Variants in KLHL9 observed in about 807,000 individuals in gnomAD.
KLHL9 encodes the protein kelch-like protein 9.
Under a neutral mutation model 42.3 loss-of-function variants are expected in KLHL9, and 27 were observed. The observed-to-expected ratio is 0.64, with a 90% CI of 0.47 to 0.88. The LOEUF (loss-of-function observed/expected upper bound fraction) is 0.88, where lower values mean the gene tolerates loss of function less well. Among genes scored for constraint, KLHL9 ranks in the 40% least tolerant of loss-of-function variants. KLHL9 has a pLI of 0.00. For synonymous variants in KLHL9, 274 were observed against 254.4 expected, an observed-to-expected ratio of 1.08 and a Z score of -0.73; for missense variants, 629 against 750.3, an observed-to-expected ratio of 0.84 and a Z score of 1.89.
rs1277874356 is a variant in KLHL9, at chr9:21,330,141, T to C, written c.*2865A>G. 1 of 152,148 alleles carries C rather than the reference T, an allele frequency of 6.6e-6. No individual in the cohort carries two copies. Among genetic ancestry groups the C allele is most frequent in the African/African-American group, 2.4e-5 (1 of 41,428 alleles). 9.4% of individuals were successfully genotyped at this position (152,148 alleles called of 1,614,324 possible). ...CTGAAATGCTTGGGACCAGAAGTGT[T>C]TTGGATTTTGGAATATTTGCATGTA... is the stretch of plus-strand genomic sequence containing the variant. On this transcript the variant is annotated 3_prime_UTR_variant, in exon 1 of 1. Transcript: ENST00000359039.
In KLHL9 at chr9:21,334,485, T is replaced by A. The variant is rs781290723; in HGVS notation, c.375A>T (p.Thr125=). The change falls in exon 1 of 1, where the codon ACA becomes ACT. Residue 125 remains threonine, a synonymous_variant. Transcript: ENST00000359039. This position sits in a 1 kb window ranked among gnomAD's most constrained non-coding sequence, Gnocchi z 5.1. ...TTTGTAAAAAGCTAGCAGCTTCAAGTGTGTCCTGAAGATTGTCCATATTAA... is the reference window on the plus strand; with the variant it reads ...TTTGTAAAAAGCTAGCAGCTTCAAGAGTGTCCTGAAGATTGTCCATATTAA... ...LSLNMDNLQD[T]LEAASFLQIL... 7 of 1,613,920 alleles carry A rather than the reference T, an allele frequency of 4.3e-6. No homozygotes were observed. In the East Asian group the frequency reaches 1.6e-4, roughly 36 times the overall value.
rs551334378 is a variant in KLHL9 at position 21,332,315 on chromosome 9, T to G, written c.*691A>C. 2 of 152,752 alleles carry G rather than the reference T, an allele frequency of 1.3e-5. No individual in the cohort carries two copies. The highest frequency in any genetic ancestry group is 4.8e-5 in the African/African-American group (2 of 41,580). 9.5% of individuals were successfully genotyped at this position (152,752 alleles called of 1,614,324 possible). A position where few individuals can be genotyped will look rare whatever the true frequency, so the allele number is the denominator to read the frequency against. ...CGGCTGCTTTGTGGAAGAAAGAAAC[T>G]TCAATTTAAAAACAATTTCAGCATC... On this transcript the variant is annotated 3_prime_UTR_variant, in exon 1 of 1. Transcript: ENST00000359039.
chr9:21,333,405 C>T lies in KLHL9; in HGVS notation c.1455G>A (p.Leu485=), dbSNP rs777277134. ...QKAPMTTVRG[L]HCMCTVGDKL... ...TATCTCCAACTGTACACATGCAATG[C>T]AGACCTCTGACTGTAGTCATTGGAG... Residue 485 remains leucine (L), a synonymous_variant, in exon 1 of 1, where the codon CTG becomes CTA. Transcript: ENST00000359039. This position sits in a 1 kb window ranked among gnomAD's most constrained non-coding sequence, Gnocchi z 7.5. 3.1e-6 allele frequency: 5 copies of T among 1,614,096 alleles called. No homozygotes were observed. The highest frequency in any genetic ancestry group is 3.3e-5 in the Admixed American group (2 of 60,004).
rs1415613488 is a variant in KLHL9, at chr9:21,335,368, A to C, written c.-509T>G. On this transcript the variant is annotated 5_prime_UTR_variant, in exon 1 of 1. Coordinates refer to ENST00000359039, the MANE Select transcript of KLHL9 (RefSeq NM_018847.4). ...GAATACCGGCCTAGCCCCAACACCGAGCCGCTCCTTCCGGAAAAGCCTAGT... is the reference window on the plus strand; with the variant it reads ...GAATACCGGCCTAGCCCCAACACCGCGCCGCTCCTTCCGGAAAAGCCTAGT... 7.3e-6 allele frequency: 3 copies of C among 411,778 alleles called. No homozygotes were observed. The highest frequency in any genetic ancestry group is 8.8e-5 in the Admixed American group (2 of 22,844). 25.5% of individuals were successfully genotyped at this position (411,778 alleles called of 1,614,324 possible). A position where few individuals can be genotyped will look rare whatever the true frequency, so the allele number is the denominator to read the frequency against.
Position 21,332,705 on chromosome 9 carries a change from C to A in KLHL9, c.*301G>T. ...TTTGGAGTCAAAGATGAAAACTCAA[C>A]TTTGAAGCATAATGGACATAATTAC... On this transcript the variant is annotated 3_prime_UTR_variant, in exon 1 of 1. Coordinates refer to ENST00000359039, the MANE Select transcript of KLHL9 (RefSeq NM_018847.4). 1 of 294,450 alleles carries A rather than the reference C, an allele frequency of 3.4e-6. No individual in the cohort carries two copies. The allele number at this position is 294,450 out of a possible 1,614,324, so 18.2% of individuals were successfully genotyped here.
rs1474383461 is a variant in KLHL9 at position 21,334,969 on chromosome 9, C to T, written c.-110G>A. ...AAGAACAGAAAGCTCGTTTCCTTAT[C>T]AAGGGAAGGCAGTCACTGCGGCACC... On this transcript the variant is annotated 5_prime_UTR_variant, in exon 1 of 1. It removes the in-frame stop codon of an upstream open reading frame in the 5' UTR. Coordinates refer to ENST00000359039, the MANE Select transcript of KLHL9 (RefSeq NM_018847.4). This position sits in a 1 kb window ranked among gnomAD's most constrained non-coding sequence, Gnocchi z 5.1. 3 of 1,494,774 alleles carry T rather than the reference C, an allele frequency of 2.0e-6. No individual in the cohort carries two copies. Among genetic ancestry groups the T allele is most frequent in the Non-Finnish European group, 2.7e-6 (3 of 1,114,558 alleles). The allele number at this position is 1,494,774 out of a possible 1,614,324, so 92.6% of individuals were successfully genotyped here.
At position 21,334,307 on chromosome 9, in the gene KLHL9, A is replaced by C. The variant is rs745356557; in HGVS notation, c.553T>G (p.Leu185Val). ...AGTTTTAGAAACTCCCCAGTACTCA[A>C]TAAAGCAGGAAAGTTCTTCAGGATG... is the stretch of plus-strand genomic sequence containing the variant. ...NFILKNFPAL[L>V]STGEFLKLPF... Residue 185 changes from leucine to valine, a missense_variant, in exon 1 of 1, where the codon TTG becomes GTG. Leu to Val is a conservative substitution (Grantham distance 32, BLOSUM62 1). Transcript: ENST00000359039. The surrounding 1 kb of genome is among the most constrained non-coding windows in gnomAD (Gnocchi z 5.1). The C allele has an allele frequency of 1.9e-6, 3 of 1,614,128 alleles. No individual in the cohort carries two copies. The highest frequency in any genetic ancestry group is 2.7e-5 in the African/African-American group (2 of 75,060).
Position 21,335,039 on chromosome 9 carries a change from G to C in KLHL9, c.-180C>G, listed in dbSNP as rs1415242741. ...GTCATCCACTGAAAATCACCCTGTA[G>C]CAGGACCACAAAGGGCTGTGGACCT... On this transcript the variant is annotated 5_prime_UTR_variant, in exon 1 of 1. Transcript: ENST00000359039. 1 of 766,660 alleles carries C rather than the reference G, an allele frequency of 1.3e-6. No homozygotes were observed. Among genetic ancestry groups the C allele is most frequent in the African/African-American group, 1.8e-5 (1 of 56,992 alleles). 47.5% of individuals were successfully genotyped at this position (766,660 alleles called of 1,614,324 possible).
In KLHL9 at chr9:21,332,326, AAC is replaced by A. The variant is rs1820186067; in HGVS notation, c.*678_*679del. 1 of 152,642 alleles carries A rather than the reference AAC, an allele frequency of 6.6e-6. No individual in the cohort carries two copies. The highest frequency in any genetic ancestry group is 1.5e-5 in the Non-Finnish European group (1 of 68,050). 9.5% of individuals were successfully genotyped at this position (152,642 alleles called of 1,614,324 possible). On this transcript the variant is annotated 3_prime_UTR_variant, in exon 1 of 1. Transcript: ENST00000359039. ...TGGAAGAAAGAAACTTCAATTTAAAAACAATTTCAGCATCGTTGAAGTGCCAA... is the reference window on the plus strand; with the variant it reads ...TGGAAGAAAGAAACTTCAATTTAAAAAATTTCAGCATCGTTGAAGTGCCAA...
chr9:21,333,596 T>C lies in KLHL9; in HGVS notation c.1264A>G (p.Arg422Gly). The C allele has an allele frequency of 1.2e-6, 2 of 1,614,226 alleles. No homozygotes were observed. The highest frequency in any genetic ancestry group is 2.2e-5 in the South Asian group (2 of 91,084). ...ELATVECYNP[R>G]MNEWSYVAKM... is the part of the protein sequence containing the mutation. Reference sequence around the variant, plus strand: ...GCAACATAGCTCCACTCATTCATTCTTGGGTTGTAACATTCTACTGTGGCC... The same window carrying C: ...GCAACATAGCTCCACTCATTCATTCCTGGGTTGTAACATTCTACTGTGGCC... Residue 422 changes from arginine to glycine, a missense_variant, in exon 1 of 1, where the codon AGA becomes GGA. By Grantham distance (125) the Arg-to-Gly change is moderately radical. Transcript: ENST00000359039. This position sits in a 1 kb window ranked among gnomAD's most constrained non-coding sequence, Gnocchi z 7.5.
rs1230511204 is a variant in KLHL9, at chr9:21,331,084, C to G, written c.*1922G>C. On this transcript the variant is annotated 3_prime_UTR_variant, in exon 1 of 1. Transcript: ENST00000359039. Reference sequence around the variant, plus strand: ...ACTTGATACGAAAAACAAAGCAACTCCAACAGATAACAGAAGGGCAAAAGG... The same window carrying G: ...ACTTGATACGAAAAACAAAGCAACTGCAACAGATAACAGAAGGGCAAAAGG... 6.6e-6 allele frequency: 1 copy of G among 152,346 alleles called. No homozygotes were observed. Among genetic ancestry groups the G allele is most frequent in the Non-Finnish European group, 1.5e-5 (1 of 68,002 alleles). The allele number at this position is 152,346 out of a possible 1,614,324, so 9.4% of individuals were successfully genotyped here.
In KLHL9 at chr9:21,334,999, G is replaced by T; in HGVS notation, c.-140C>A. The T allele has an allele frequency of 8.2e-7, 1 of 1,224,128 alleles. No homozygotes were observed. The highest frequency in any genetic ancestry group is 1.1e-6 in the Non-Finnish European group (1 of 888,686). The allele number at this position is 1,224,128 out of a possible 1,614,324, so 75.8% of individuals were successfully genotyped here. A position where few individuals can be genotyped will look rare whatever the true frequency, so the allele number is the denominator to read the frequency against. On this transcript the variant is annotated 5_prime_UTR_variant, in exon 1 of 1. Transcript: ENST00000359039. This position sits in a 1 kb window ranked among gnomAD's most constrained non-coding sequence, Gnocchi z 5.1. ...GAAGGCAGTCACTGCGGCACCCCTC[G>T]GGCCACGCCAGTCAGTCATCCACTG... is the stretch of plus-strand genomic sequence containing the variant.
chr9:21,332,847 ATT>A lies in KLHL9; in HGVS notation c.*157_*158del. ...TATGTTAAATACATTTTCAGAATGC[ATT>A]TGTTAGCCACTTGATAAACATACTA... On this transcript the variant is annotated 3_prime_UTR_variant, in exon 1 of 1. Coordinates refer to ENST00000359039, the MANE Select transcript of KLHL9 (RefSeq NM_018847.4). The A allele has an allele frequency of 5.4e-6, 6 of 1,102,950 alleles. No homozygotes were observed. The highest frequency in any genetic ancestry group is 2.6e-5 in the East Asian group (1 of 38,010). 68.3% of individuals were successfully genotyped at this position (1,102,950 alleles called of 1,614,324 possible).
chr9:21,332,757 T>C lies in KLHL9; in HGVS notation c.*249A>G. ...CATTTACCACAGTCATCTACAATTT[T>C]ATATAACATCACAAAAAGACATCTA... On this transcript the variant is annotated 3_prime_UTR_variant, in exon 1 of 1. Coordinates refer to ENST00000359039, the MANE Select transcript of KLHL9 (RefSeq NM_018847.4). 1 of 510,046 alleles carries C rather than the reference T, an allele frequency of 2.0e-6. No homozygotes were observed. The highest frequency in any genetic ancestry group is 3.3e-6 in the Non-Finnish European group (1 of 300,538). 31.6% of individuals were successfully genotyped at this position (510,046 alleles called of 1,614,324 possible). A position where few individuals can be genotyped will look rare whatever the true frequency, so the allele number is the denominator to read the frequency against.
chr9:21,334,913 G>T lies in KLHL9; in HGVS notation c.-54C>A. The T allele has an allele frequency of 2.5e-6, 4 of 1,608,762 alleles. No homozygotes were observed. The highest frequency in any genetic ancestry group is 2.5e-6 in the Non-Finnish European group (3 of 1,178,448). ...CAAGCCGGATAAAGAAGTTATAACCGGAATGTTTTACAGGTAACGAGGTGT... is the reference window on the plus strand; with the variant it reads ...CAAGCCGGATAAAGAAGTTATAACCTGAATGTTTTACAGGTAACGAGGTGT... On this transcript the variant is annotated 5_prime_UTR_variant, in exon 1 of 1. Transcript: ENST00000359039. The surrounding 1 kb of genome is among the most constrained non-coding windows in gnomAD (Gnocchi z 5.1).
rs1359281577 is a variant in KLHL9, at chr9:21,334,338, A to G, written c.522T>C (p.Asn174=). 6.2e-7 allele frequency: 1 copy of G among 1,613,492 alleles called. No homozygotes were observed. Residue 174 remains asparagine (N), a synonymous_variant, in exon 1 of 1, where the codon AAT becomes AAC. Coordinates refer to ENST00000359039, the MANE Select transcript of KLHL9 (RefSeq NM_018847.4). The surrounding 1 kb of genome is among the most constrained non-coding windows in gnomAD (Gnocchi z 5.1). The stretch of plus-strand genomic sequence containing the variant: ...CAGGAAAGTTCTTCAGGATGAAATT[A>G]TTAACATATTTATCCACTTCTATAA... The part of the protein sequence containing the change: ...YNLIEVDKYV[N]NFILKNFPAL...
chr9:21,334,250 T>C lies in KLHL9; in HGVS notation c.610A>G (p.Ser204Gly), dbSNP rs753888386. The C allele has an allele frequency of 1.9e-6, 3 of 1,614,042 alleles. No individual in the cohort carries two copies. Among genetic ancestry groups the C allele is most frequent in the Non-Finnish European group, 2.5e-6 (3 of 1,180,038 alleles). ...PFERLAFVLS[S>G]NSLKHCTELE... ...TCGGTACAGTGCTTAAGACTATTAC[T>C]GGAAAGCACAAATGCAAGTCGTTCA... Residue 204 changes from serine to glycine, a missense_variant, in exon 1 of 1, where the codon AGT (serine) becomes GGT (glycine). Ser to Gly is a moderately conservative substitution (Grantham distance 56). Coordinates refer to ENST00000359039, the MANE Select transcript of KLHL9 (RefSeq NM_018847.4). The surrounding 1 kb of genome is among the most constrained non-coding windows in gnomAD (Gnocchi z 5.1).
Position 21,334,764 on chromosome 9 carries a change from G to GT in KLHL9, c.95dup (p.His32GlnfsTer10). ...CAAAGCCTTGCAATACCACCGAACT[G>GT]TGAGTATTGCTGGTAAAAAAGCGTG... On this transcript the variant is annotated frameshift_variant, in exon 1 of 1. Transcript: ENST00000359039. LOFTEE classifies it high-confidence loss of function. The surrounding 1 kb of genome is among the most constrained non-coding windows in gnomAD (Gnocchi z 5.1). 6.2e-7 allele frequency: 1 copy of GT among 1,612,672 alleles called. No homozygotes were observed. Among genetic ancestry groups the GT allele is most frequent in the Non-Finnish European group, 8.5e-7 (1 of 1,179,176 alleles).
Position 21,334,287 on chromosome 9 carries a change from T to A in KLHL9, c.573A>T (p.Leu191=). The A allele has an allele frequency of 6.2e-7, 1 of 1,614,102 alleles. No individual in the cohort carries two copies. The highest frequency in any genetic ancestry group is 8.5e-7 in the Non-Finnish European group (1 of 1,179,940). Reference sequence around the variant, plus strand: ...ATGCAAGTCGTTCAAAAGGGAGTTTTAGAAACTCCCCAGTACTCAATAAAG... The same window carrying A: ...ATGCAAGTCGTTCAAAAGGGAGTTTAAGAAACTCCCCAGTACTCAATAAAG... ...FPALLSTGEF[L]KLPFERLAFV... is the part of the protein sequence containing the mutation. The change falls in exon 1 of 1, where the codon CTA becomes CTT. Residue 191 remains leucine, a synonymous_variant. Transcript: ENST00000359039. The surrounding 1 kb of genome is among the most constrained non-coding windows in gnomAD (Gnocchi z 5.1).
Sources: gnomAD v4.1 joint callset for allele counts on GRCh38, gnomAD v4.1.1 for gene constraint, Gnocchi (gnomAD v3.1) non-coding constraint, MANE v1.5 for transcripts, NCBI Gene and HGNC (gene_info 2026-07-23, HGNC 2026-07-21) for gene names.